SRBD1: variants seen among roughly 807,000 people sequenced by gnomAD.
The protein encoded by SRBD1 is S1 RNA-binding domain-containing protein 1.
SRBD1 carries 88 observed loss-of-function variants against 115.3 expected under a neutral mutation model. The observed-to-expected ratio is 0.76, with a 90% CI of 0.64 to 0.91. SRBD1 has a LOEUF of 0.91. SRBD1 is among the 40% of genes least tolerant of loss of function. The pLI, the probability that SRBD1 is intolerant of heterozygous loss-of-function variation, is 0.00. For synonymous variants in SRBD1, 509 were observed against 407.7 expected (o/e 1.25, Z -2.99); for missense variants, 1,385 against 1,177.4 (o/e 1.18, Z -2.58).
At chr2:45,523,966 G>C (rs1671364024) in intron 14 of SRBD1, among the ~76,000 whole-genome samples, 5 of 151,844 alleles carry the variant, frequency 3.3e-5, no homozygotes, top group Admixed American at 3.3e-4. Flanking sequence ...TCACCAAGTG[G>C]GATTTATCCC....
At chr2:45,450,641 C>A (rs1362398866) in intron 16 of SRBD1, among the ~76,000 whole-genome samples, 1 of 151,992 alleles carries the variant, frequency 6.6e-6, no homozygotes, top group East Asian at 1.9e-4. Flanking sequence ...TCAATTAAAG[C>A]AATTACAGAA....
chr2:45,515,280 A>G (rs1315852530), intron 14 of SRBD1, among the ~76,000 whole-genome samples: 1 of 152,168 alleles, frequency 6.6e-6, no homozygotes, highest in African/African-American at 2.4e-5. Flanking sequence ...CAAACCTATT[A>G]TTATCCCATA....
rs768095405 is a variant in SRBD1 at position 45,477,016 on chromosome 2, G to T, written c.2026C>A (p.His676Asn). ...LAELVKIEPK[H>N]IGVGMYQHDV... ...ACCTGATACATTCCAACTCCAATGTGCTTTGGCTCAATTTTCACTAGCTCA... is the reference window on the plus strand; with the variant it reads ...ACCTGATACATTCCAACTCCAATGTTCTTTGGCTCAATTTTCACTAGCTCA... The change falls in exon 16 of 21, where the codon CAC (histidine) becomes AAC (asparagine). Residue 676 changes from histidine (H) to asparagine (N), a missense_variant. Transcript: ENST00000263736. The T allele has an allele frequency of 5.0e-6, 8 of 1,613,566 alleles. No individual in the cohort carries two copies. In the South Asian group the frequency reaches 8.8e-5, roughly 18 times the overall value.
intron 2 of SRBD1, 110 bp from the exon 3 acceptor site, chr2:45,602,193 TAA>T: frequency 8.0e-7 from 1 of 1,246,880 alleles, no homozygotes; most frequent in Non-Finnish European, 1.1e-6. Flanking sequence ...GTGTTTAATA[TAA>T]AATGGAGTGA....
At chr2:45,393,310 G>A (rs994972347) in intron 19 of SRBD1, among the ~76,000 whole-genome samples, 181 bp from the exon 20 acceptor site, 1 of 152,196 alleles carries the variant, frequency 6.6e-6, no homozygotes, top group African/African-American at 2.4e-5. Context: ...GGCTGAGGGA[G>A]AGGGAGAAAG....
chr2:45,440,480 CATT>C (rs1172810592), intron 16 of SRBD1, among the ~76,000 whole-genome samples: 2 of 152,146 alleles, frequency 1.3e-5, no homozygotes, highest in Non-Finnish European at 2.9e-5. Flanking sequence ...ACAAAGAAAA[CATT>C]AGTATATCTG....
At chr2:45,471,814 T>G (rs1418198749) in intron 16 of SRBD1, among the ~76,000 whole-genome samples, 1 of 151,998 alleles carries the variant, frequency 6.6e-6, no homozygotes, top group Non-Finnish European at 1.5e-5. Context: ...TATGTAAATG[T>G]TTTATATAAA....
chr2:45,455,152 T>G (rs1669114447), intron 16 of SRBD1, among the ~76,000 whole-genome samples: 1 of 151,890 alleles, frequency 6.6e-6, no homozygotes, highest in South Asian at 2.1e-4. Context: ...ACAAACTCTT[T>G]TCATTTAAAT....
At chr2:45,587,192 T>A (rs570062736) in intron 4 of SRBD1, among the ~76,000 whole-genome samples, 45 of 145,288 alleles carry the variant, frequency 3.1e-4, no homozygotes, top group African/African-American at 1.1e-3. Flanking sequence ...TAAAAATTTT[T>A]AAATATTTAA....
intron 14 of SRBD1, among the ~76,000 whole-genome samples, chr2:45,526,450 G>A (rs1316450574): frequency 6.6e-6 from 1 of 151,938 alleles, no homozygotes; most frequent in East Asian, 1.9e-4. Context: ...GCTGGAGTAG[G>A]GAAGGTGAGA....
At chr2:45,409,752 A>T (rs1182568898) in intron 19 of SRBD1, among the ~76,000 whole-genome samples, 1 of 152,124 alleles carries the variant, frequency 6.6e-6, no homozygotes, top group Non-Finnish European at 1.5e-5. Context: ...CAAATTTTAA[A>T]AACTCCATTT....
chr2:45,515,058 C>T (rs1308485569), intron 14 of SRBD1, among the ~76,000 whole-genome samples: 1 of 152,074 alleles, frequency 6.6e-6, no homozygotes, highest in Non-Finnish European at 1.5e-5. Flanking sequence ...GACTAAGACA[C>T]TTGGAAATTA....
At chr2:45,536,127 G>A (rs1035026928) in intron 14 of SRBD1, among the ~76,000 whole-genome samples, 1 of 151,740 alleles carries the variant, frequency 6.6e-6, no homozygotes, top group Non-Finnish European at 1.5e-5. Context: ...GCTCTACTGA[G>A]AACACAACAG....
intron 3 of SRBD1, 125 bp from the exon 4 acceptor site, chr2:45,599,960 A>C: frequency 2.6e-6 from 3 of 1,158,922 alleles, no homozygotes; most frequent in Non-Finnish European, 3.5e-6. Context: ...ATCTCAAGTA[A>C]ATTATGTTGA....
rs1672483329 is a variant in SRBD1, at chr2:45,556,519, G to C, written c.1410-2789C>G. ...ATTCTGTCACCCAGGCTGGAGTGCA[G>C]AGGCACAATCTTGGCTCATTGCAAC... is the stretch of plus-strand genomic sequence containing the variant. On this transcript the variant is annotated intron_variant, in intron 10 of 20. Transcript: ENST00000263736. Among the ~76,000 whole-genome samples the C allele has an allele frequency of 2.3e-5, 3 of 131,816 alleles. No individual in the cohort carries two copies. The South Asian group carries it at 7.3e-4, about 32-fold the overall frequency. 86.5% of individuals were successfully genotyped at this position (131,816 alleles called of 152,430 possible).
chr2:45,598,975 T>C (rs1673996530), intron 4 of SRBD1, among the ~76,000 whole-genome samples: 1 of 152,138 alleles, frequency 6.6e-6, no homozygotes, highest in South Asian at 2.1e-4. Flanking sequence ...GACATATAAT[T>C]CTGGCATCTC....
chr2:45,453,322 G>A (rs1186045888), intron 16 of SRBD1, among the ~76,000 whole-genome samples: 1 of 150,846 alleles, frequency 6.6e-6, no homozygotes, highest in Non-Finnish European at 1.5e-5. Context: ...GACTCCACTA[G>A]AATGCTTGTC....
chr2:45,594,510 C>G (rs186514983), intron 4 of SRBD1, among the ~76,000 whole-genome samples: 1 of 152,312 alleles, frequency 6.6e-6, no homozygotes, highest in Admixed American at 6.5e-5. Flanking sequence ...TGCAAAATAA[C>G]TTTAACAAAA....
intron 16 of SRBD1, among the ~76,000 whole-genome samples, chr2:45,451,200 G>T (rs1364940890): frequency 1.3e-5 from 2 of 151,998 alleles, no homozygotes; most frequent in Non-Finnish European, 2.9e-5. Flanking sequence ...CATAGTCTTG[G>T]ACTATTTTTT....
Sources: gnomAD v4.1 joint callset for allele counts (sites outside exome capture counted in the v4.1 genomes callset) on GRCh38, gnomAD v4.1.1 for gene constraint, MANE v1.5 for transcripts, NCBI Gene and HGNC (gene_info 2026-07-23, HGNC 2026-07-21) for gene names.